Variants in KCNK12 observed in about 807,000 individuals in gnomAD.
The protein encoded by KCNK12 is potassium channel subfamily K member 12.
In KCNK12, 6 loss-of-function variants were observed where a neutral mutation model predicts 25.3. The ratio of observed to expected loss-of-function variants is 0.24; its 90% CI spans 0.13 to 0.47. The LOEUF (loss-of-function observed/expected upper bound fraction) is 0.47, where lower values mean the gene tolerates loss of function less well. Ranked by LOEUF, KCNK12 falls within the 20% of genes least tolerant of loss-of-function variation. The pLI is 0.99. For synonymous variants in KCNK12, 331 were observed against 311.1 expected (o/e 1.06, Z -0.67); for missense variants, 444 against 661.7 (o/e 0.67, Z 3.61).
chr2:47,552,015 G>A (rs1299767772), intron 1 of KCNK12, among the ~76,000 whole-genome samples: 3 of 152,138 alleles, frequency 2.0e-5, no homozygotes, highest in African/African-American at 7.2e-5. Flanking sequence ...GACCGGTGGT[G>A]GGGAGGTGGG....
chr2:47,547,974 T>C lies in KCNK12; in HGVS notation c.391+21967A>G, dbSNP rs1558559886. On this transcript the variant is annotated intron_variant, in intron 1 of 1. Coordinates refer to ENST00000327876, the MANE Select transcript of KCNK12 (RefSeq NM_022055.2). The surrounding 1 kb of genome is among the most constrained non-coding windows in gnomAD (Gnocchi z 5.0). ...AGTGATTGGAACATGGGGGTGGATT[T>C]CCCCCTTGCCGTTCTCATGATAGTA... Among the ~76,000 whole-genome samples the C allele has an allele frequency of 6.6e-6, 1 of 152,096 alleles. No individual in the cohort carries two copies. Among genetic ancestry groups the C allele is most frequent in the African/African-American group, 2.4e-5 (1 of 41,404 alleles).
rs1227580701 is a variant in KCNK12 at position 47,514,809 on chromosome 2, G to C, written c.*6098C>G. Among the ~76,000 whole-genome samples the C allele has an allele frequency of 6.6e-6, 1 of 151,882 alleles. No individual in the cohort carries two copies. The highest frequency in any genetic ancestry group is 2.1e-4 in the South Asian group (1 of 4,810). On this transcript the variant is annotated 3_prime_UTR_variant, in exon 2 of 2. Coordinates refer to ENST00000327876, the MANE Select transcript of KCNK12 (RefSeq NM_022055.2). The surrounding 1 kb of genome is among the most constrained non-coding windows in gnomAD (Gnocchi z 5.0). ...GTATTTTTAGTAAAGACAGGGTTTC[G>C]ACATGTTGCCTAGGCTGGTCTCGAA...
Position 47,540,331 on chromosome 2 carries a change from CA to C in KCNK12, c.392-18524del, listed in dbSNP as rs1369100322. Among the ~76,000 whole-genome samples the C allele has an allele frequency of 6.6e-6, 1 of 152,172 alleles. No individual in the cohort carries two copies. Among genetic ancestry groups the C allele is most frequent in the African/African-American group, 2.4e-5 (1 of 41,426 alleles). On this transcript the variant is annotated intron_variant, in intron 1 of 1. Transcript: ENST00000327876. The surrounding 1 kb of genome is among the most constrained non-coding windows in gnomAD (Gnocchi z 5.4). ...CAGCCATGAGGTGTAGTCACTGTGC[CA>C]GGGGGCTGAGTGTCCGGCCTGGGAC...
Position 47,557,418 on chromosome 2 carries a change from A to G in KCNK12, c.391+12523T>C, listed in dbSNP as rs142756662. On this transcript the variant is annotated intron_variant, in intron 1 of 1. Coordinates refer to ENST00000327876, the MANE Select transcript of KCNK12 (RefSeq NM_022055.2). This position sits in a 1 kb window ranked among gnomAD's most constrained non-coding sequence, Gnocchi z 4.9. Reference sequence around the variant, plus strand: ...CCCAGCCTCCAGAATGGTGAGTGAAATCAACTTTTTTTTGTTTGTTTTTTT... The same window carrying G: ...CCCAGCCTCCAGAATGGTGAGTGAAGTCAACTTTTTTTTGTTTGTTTTTTT... 6.6e-6 allele frequency among the ~76,000 whole-genome samples: 1 copy of G among 151,920 alleles called. No homozygotes were observed. The highest frequency in any genetic ancestry group is 1.9e-4 in the East Asian group (1 of 5,174).
rs1033344601 is a variant in KCNK12 at position 47,512,653 on chromosome 2, C to G, written c.*8254G>C. ...AAGTGTGCTAATGGGATGATGTGCCCTTGTACACCCACTGCCTCTGAACTC... is the reference window on the plus strand; with the variant it reads ...AAGTGTGCTAATGGGATGATGTGCCGTTGTACACCCACTGCCTCTGAACTC... On this transcript the variant is annotated 3_prime_UTR_variant, in exon 2 of 2. Transcript: ENST00000327876. The G allele has an allele frequency of 3.7e-6, 2 of 535,118 alleles. No homozygotes were observed. The highest frequency in any genetic ancestry group is 4.7e-5 in the South Asian group (2 of 42,546). The allele number at this position is 535,118 out of a possible 1,614,324, so 33.1% of individuals were successfully genotyped here. A position where few individuals can be genotyped will look rare whatever the true frequency, so the allele number is the denominator to read the frequency against.
chr2:47,530,211 G>C (rs1668887688), intron 1 of KCNK12, among the ~76,000 whole-genome samples: 1 of 152,196 alleles, frequency 6.6e-6, no homozygotes, highest in South Asian at 2.1e-4. Context: ...GGAGGGCTGT[G>C]GGATGGAGGG....
intron 1 of KCNK12, chr2:47,564,809 G>A (rs187125111): frequency 2.5e-5 from 4 of 158,376 alleles, no homozygotes; most frequent in Non-Finnish European, 4.2e-5. Context: ...CAAATTTAAG[G>A]AGATATTTTC....
At position 47,557,635 on chromosome 2, in the gene KCNK12, G is replaced by A. The variant is rs911466745; in HGVS notation, c.391+12306C>T. Among the ~76,000 whole-genome samples the A allele has an allele frequency of 7.2e-5, 11 of 152,100 alleles. No individual in the cohort carries two copies. Among genetic ancestry groups the A allele is most frequent in the Admixed American group, 5.2e-4 (8 of 15,276 alleles). On this transcript the variant is annotated intron_variant, in intron 1 of 1. Transcript: ENST00000327876. The surrounding 1 kb of genome is among the most constrained non-coding windows in gnomAD (Gnocchi z 4.9). ...ATACATGAATAATGCATACCTGCCC[G>A]GCTGAACAATGCACATCAAGGAGCT... is the stretch of plus-strand genomic sequence containing the variant.
intron 1 of KCNK12, chr2:47,564,324 C>T (rs1314999290): frequency 4.4e-6 from 1 of 229,460 alleles, no homozygotes; most frequent in Non-Finnish European, 8.6e-6. Context: ...TACCCACTGA[C>T]TCAGCAATTT....
Position 47,557,285 on chromosome 2 carries a change from C to T in KCNK12, c.391+12656G>A, listed in dbSNP as rs1234833842. ...GGTTGGTTATTGCGGGAGTGGGCTC[C>T]TGATAAAAGGATGAGTTTGGGCTGA... On this transcript the variant is annotated intron_variant, in intron 1 of 1. Transcript: ENST00000327876. The surrounding 1 kb of genome is among the most constrained non-coding windows in gnomAD (Gnocchi z 4.9). Among the ~76,000 whole-genome samples, 2 of 152,162 alleles carry T rather than the reference C, an allele frequency of 1.3e-5. No individual in the cohort carries two copies. The highest frequency in any genetic ancestry group is 4.8e-5 in the African/African-American group (2 of 41,442).
rs1291763661 is a variant in KCNK12, at chr2:47,533,038, G to A, written c.392-11230C>T. Among the ~76,000 whole-genome samples the A allele has an allele frequency of 6.6e-6, 1 of 151,414 alleles. No individual in the cohort carries two copies. Among genetic ancestry groups the A allele is most frequent in the Non-Finnish European group, 1.5e-5 (1 of 67,794 alleles). ...TTTATTTTTTATTTTTTTGAGACAG[G>A]CTCACTCTGTCGCCCAGGCTGGAGT... On this transcript the variant is annotated intron_variant, in intron 1 of 1. Transcript: ENST00000327876. The surrounding 1 kb of genome is among the most constrained non-coding windows in gnomAD (Gnocchi z 4.7).
At chr2:47,563,344 AGT>A (rs139507964) in intron 1 of KCNK12, 92 of 230,744 alleles carry the variant, frequency 4.0e-4, no homozygotes, top group African/African-American at 1.3e-3. Context: ...CTATGTGAGC[AGT>A]GTGTGTGTGT....
chr2:47,512,582 A>G lies in KCNK12; in HGVS notation c.*8325T>C. 1 of 896,234 alleles carries G rather than the reference A, an allele frequency of 1.1e-6. No individual in the cohort carries two copies. The highest frequency in any genetic ancestry group is 1.6e-6 in the Non-Finnish European group (1 of 606,778). The allele number at this position is 896,234 out of a possible 1,614,324, so 55.5% of individuals were successfully genotyped here. A position where few individuals can be genotyped will look rare whatever the true frequency, so the allele number is the denominator to read the frequency against. ...ATATAACTTTCTCTGCCCAGATTCC[A>G]GGACTTACAGTGAGAAAGCGCCTTC... On this transcript the variant is annotated 3_prime_UTR_variant, in exon 2 of 2. Transcript: ENST00000327876.
chr2:47,539,219 G>A (rs896141391), intron 1 of KCNK12, among the ~76,000 whole-genome samples: 1 of 152,202 alleles, frequency 6.6e-6, no homozygotes, highest in African/African-American at 2.4e-5. Context: ...TCAAGTCTGA[G>A]CCAGAATTTA....
chr2:47,558,883 T>C (rs1669604180), intron 1 of KCNK12, among the ~76,000 whole-genome samples: 1 of 152,294 alleles, frequency 6.6e-6, no homozygotes, highest in East Asian at 1.9e-4. Flanking sequence ...CTGATTAAAC[T>C]TCCGTCAAAT....
intron 1 of KCNK12, among the ~76,000 whole-genome samples, chr2:47,554,857 C>T (rs527679558): frequency 2.3e-4 from 35 of 152,074 alleles, no homozygotes; most frequent in African/African-American, 7.5e-4. Flanking sequence ...TGATGGGCAG[C>T]GAGACAAGTG....
Position 47,514,454 on chromosome 2 carries a change from A to G in KCNK12, c.*6453T>C, listed in dbSNP as rs1428830168. On this transcript the variant is annotated 3_prime_UTR_variant, in exon 2 of 2. Transcript: ENST00000327876. The surrounding 1 kb of genome is among the most constrained non-coding windows in gnomAD (Gnocchi z 5.0). ...GGGATGCCTGACCCCAAACTAGACGAGTTACTTGACCTCTCTGACCCAAGA... is the reference window on the plus strand; with the variant it reads ...GGGATGCCTGACCCCAAACTAGACGGGTTACTTGACCTCTCTGACCCAAGA... Among the ~76,000 whole-genome samples, 3 of 152,220 alleles carry G rather than the reference A, an allele frequency of 2.0e-5. No individual in the cohort carries two copies. Among genetic ancestry groups the G allele is most frequent in the Non-Finnish European group, 4.4e-5 (3 of 68,040 alleles).
chr2:47,511,179 T>C lies in KCNK12; in HGVS notation c.*9728A>G, dbSNP rs143455607. Among the ~76,000 whole-genome samples, 724 of 152,324 alleles carry C rather than the reference T, an allele frequency of 4.8e-3. 7 individuals are homozygous for C. The highest frequency in any genetic ancestry group is 0.016 in the African/African-American group (673 of 41,578). ...AGCAGGAAGGATATCTGGCTTTTGC[T>C]TGAATTAGCTAGTGAATTGCTGTGT... On this transcript the variant is annotated 3_prime_UTR_variant, in exon 2 of 2. Coordinates refer to ENST00000327876, the MANE Select transcript of KCNK12 (RefSeq NM_022055.2). This position sits in a 1 kb window ranked among gnomAD's most constrained non-coding sequence, Gnocchi z 4.3.
rs533961579 is a variant in KCNK12, at chr2:47,548,241, G to A, written c.391+21700C>T. On this transcript the variant is annotated intron_variant, in intron 1 of 1. Transcript: ENST00000327876. The surrounding 1 kb of genome is among the most constrained non-coding windows in gnomAD (Gnocchi z 4.4). ...CTTCAGTGATGATAACATTGCTTTA[G>A]CCAGGGTTAAGAACCAGTGGTCTAT... 2.0e-5 allele frequency among the ~76,000 whole-genome samples: 3 copies of A among 152,222 alleles called. No individual in the cohort carries two copies. In the East Asian group the frequency reaches 5.8e-4, roughly 29 times the overall value.
Sources: gnomAD v4.1 joint callset for allele counts (sites outside exome capture counted in the v4.1 genomes callset) on GRCh38, gnomAD v4.1.1 for gene constraint, Gnocchi (gnomAD v3.1) non-coding constraint, MANE v1.5 for transcripts, NCBI Gene and HGNC (gene_info 2026-07-23, HGNC 2026-07-21) for gene names.